Variants in PLEKHM1 observed in about 807,000 individuals in gnomAD.
The protein encoded by PLEKHM1 is pleckstrin homology and RUN domain containing M1, also known as pleckstrin homology domain-containing family M member 1.
A neutral mutation model predicts 94.3 loss-of-function variants in PLEKHM1; 28 were observed. The ratio of observed to expected loss-of-function variants is 0.30; its 90% CI spans 0.22 to 0.41. The LOEUF is 0.41. Among genes scored for constraint, PLEKHM1 ranks in the 10% least tolerant of loss-of-function variants. PLEKHM1 has a pLI of 1.00. For synonymous variants in PLEKHM1, 424 were observed against 581.2 expected, an observed-to-expected ratio of 0.73 and a Z score of 3.89; for missense variants, 907 against 1,358.6, an observed-to-expected ratio of 0.67 and a Z score of 5.22.
intron 2 of PLEKHM1, among the ~76,000 whole-genome samples, chr17:45,478,668 T>C (rs1363781877): frequency 6.6e-6 from 1 of 152,224 alleles, no homozygotes; most frequent in African/African-American, 2.4e-5. Context: ...ATGGTTTACT[T>C]TAAGAAAGAT....
intron 1 of PLEKHM1, among the ~76,000 whole-genome samples, chr17:45,490,387 A>C (rs1350409719): frequency 1.3e-5 from 2 of 152,006 alleles, no homozygotes; most frequent in Non-Finnish European, 1.5e-5. Flanking sequence ...AGCTGCATTT[A>C]AGCAAGACCG....
At position 45,485,893 on chromosome 17, in the gene PLEKHM1, G is replaced by A. The variant is rs150431461; in HGVS notation, c.-41-3368C>T. 2.1e-4 allele frequency among the ~76,000 whole-genome samples: 29 copies of A among 139,472 alleles called. No individual in the cohort carries two copies. In the East Asian group the frequency reaches 3.7e-3, roughly 18 times the overall value. 91.5% of individuals were successfully genotyped at this position (139,472 alleles called of 152,430 possible). A position where few individuals can be genotyped will look rare whatever the true frequency, so the allele number is the denominator to read the frequency against. The stretch of plus-strand genomic sequence containing the variant: ...GAGATCATGCCACTGCACTCCAGCC[G>A]GGGCAGCAAAGCAAGAATAAATAAA... On this transcript the variant is annotated intron_variant, in intron 1 of 11. Coordinates refer to ENST00000430334, the MANE Select transcript of PLEKHM1 (RefSeq NM_014798.3).
At chr17:45,465,890 A>G (rs552912055) in intron 5 of PLEKHM1, among the ~76,000 whole-genome samples, 1 of 152,104 alleles carries the variant, frequency 6.6e-6, no homozygotes, top group Admixed American at 6.6e-5. Context: ...GACCATGGGC[A>G]GGAGTGAACT....
intron 5 of PLEKHM1, among the ~76,000 whole-genome samples, chr17:45,461,581 G>A (rs2051153167): frequency 1.3e-5 from 2 of 152,136 alleles, no homozygotes; most frequent in East Asian, 3.8e-4. Flanking sequence ...TAAGGAAGGG[G>A]TGTTATTATT....
rs1441852163 is a variant in PLEKHM1, at chr17:45,436,124, C to T, written c.*1734G>A. ...GCACTGGCAGCTTCTGGGGAACGGGCCCCCCAGGGCCTCAAACCTGCTGCC... is the reference window on the plus strand; with the variant it reads ...GCACTGGCAGCTTCTGGGGAACGGGTCCCCCAGGGCCTCAAACCTGCTGCC... On this transcript the variant is annotated 3_prime_UTR_variant, in exon 12 of 12. Transcript: ENST00000430334. 2.2e-5 allele frequency: 10 copies of T among 456,160 alleles called. No homozygotes were observed. The highest frequency in any genetic ancestry group is 4.4e-5 in the Non-Finnish European group (10 of 226,964). The allele number at this position is 456,160 out of a possible 1,614,324, so 28.3% of individuals were successfully genotyped here. A position where few individuals can be genotyped will look rare whatever the true frequency, so the allele number is the denominator to read the frequency against.
At chr17:45,474,918 T>C (rs993171706) in intron 4 of PLEKHM1, among the ~76,000 whole-genome samples, 182 bp downstream of exon 4, 1 of 152,124 alleles carries the variant, frequency 6.6e-6, no homozygotes, top group Non-Finnish European at 1.5e-5. Context: ...ACTATGCCTG[T>C]ATTGCCTGCT....
At chr17:45,474,311 C>A (rs1469158857) in intron 4 of PLEKHM1, among the ~76,000 whole-genome samples, 1 of 152,160 alleles carries the variant, frequency 6.6e-6, no homozygotes, top group African/African-American at 2.4e-5. Context: ...CCTGCCTTGG[C>A]CTCCCAAGGT....
chr17:45,475,902 C>T (rs1297269269), intron 3 of PLEKHM1, 176 bp from the exon 4 acceptor site: 25 of 731,670 alleles, frequency 3.4e-5, no homozygotes, highest in Admixed American at 1.3e-4. Flanking sequence ...AATCCCAGCA[C>T]TTTGGGAGGC....
At chr17:45,442,064 G>A (rs973085443) in intron 9 of PLEKHM1, among the ~76,000 whole-genome samples, 1 of 152,166 alleles carries the variant, frequency 6.6e-6, no homozygotes, top group African/African-American at 2.4e-5. Flanking sequence ...TGTCGGGAGG[G>A]ACAATGAGGT....
chr17:45,440,072 T>C (rs1167222370), intron 10 of PLEKHM1, 91 bp downstream of exon 10: 21 of 1,234,540 alleles, frequency 1.7e-5, no homozygotes, highest in Non-Finnish European at 2.3e-5. Flanking sequence ...TTCAGTAAAC[T>C]ACAGACACCC....
rs566243650 is a variant in PLEKHM1, at chr17:45,437,300, A to G, written c.*558T>C. 62 of 454,046 alleles carry G rather than the reference A, an allele frequency of 1.4e-4. 1 individual carries two copies. The highest frequency in any genetic ancestry group is 9.3e-4 in the South Asian group (60 of 64,478). 28.1% of individuals were successfully genotyped at this position (454,046 alleles called of 1,614,324 possible). ...GGAAAGGCACTGGGTGGGCCCATAG[A>G]CCCTGTCCCAGCAGTGGCCTGCCCA... On this transcript the variant is annotated 3_prime_UTR_variant, in exon 12 of 12. Coordinates refer to ENST00000430334, the MANE Select transcript of PLEKHM1 (RefSeq NM_014798.3). The surrounding 1 kb of genome is among the most constrained non-coding windows in gnomAD (Gnocchi z 4.0).
In PLEKHM1 at chr17:45,453,866, C is replaced by A. The variant is rs751028545; in HGVS notation, c.1986G>T (p.Ser662=). 6.2e-7 allele frequency: 1 copy of A among 1,613,942 alleles called. No homozygotes were observed. The highest frequency in any genetic ancestry group is 2.2e-5 in the East Asian group (1 of 44,882). ...QGCLSPSDLL[S]EPAALQGTQF... ...GTGTGCCCTGGAGGGCCGCGGGCTC[C>A]GAGAGCAGGTCTGAGGGAGAGAGGC... Residue 662 remains serine, a synonymous_variant, in exon 7 of 12, where the codon TCG becomes TCT. Transcript: ENST00000430334. The surrounding 1 kb of genome is among the most constrained non-coding windows in gnomAD (Gnocchi z 4.1).
At chr17:45,485,882 G>A (rs540325780) in intron 1 of PLEKHM1, among the ~76,000 whole-genome samples, 1 of 151,750 alleles carries the variant, frequency 6.6e-6, no homozygotes, top group African/African-American at 2.4e-5. Context: ...TCATGCCACT[G>A]CACTCCAGCC....
Position 45,436,330 on chromosome 17 carries a change from C to T in PLEKHM1, c.*1528G>A, listed in dbSNP as rs761925867. On this transcript the variant is annotated 3_prime_UTR_variant, in exon 12 of 12. Coordinates refer to ENST00000430334, the MANE Select transcript of PLEKHM1 (RefSeq NM_014798.3). ...CTTAGGAGGCATTGGCGTCTGGGCACAGGTGTGTGCCATGACCGGGAGAAG... is the reference window on the plus strand; with the variant it reads ...CTTAGGAGGCATTGGCGTCTGGGCATAGGTGTGTGCCATGACCGGGAGAAG... 1 of 454,064 alleles carries T rather than the reference C, an allele frequency of 2.2e-6. No individual in the cohort carries two copies. The highest frequency in any genetic ancestry group is 6.9e-5 in the East Asian group (1 of 14,408). 28.1% of individuals were successfully genotyped at this position (454,064 alleles called of 1,614,324 possible). A position where few individuals can be genotyped will look rare whatever the true frequency, so the allele number is the denominator to read the frequency against.
At chr17:45,483,449 G>A (rs192299491) in intron 1 of PLEKHM1, among the ~76,000 whole-genome samples, 10,073 of 135,368 alleles carry the variant, frequency 0.074, 492 homozygotes, top group East Asian at 0.16. Context: ...GGGGTGGGGC[G>A]GGTGGGGTGG....
rs533087643 is a variant in PLEKHM1, at chr17:45,440,215, C to A, written c.2849G>T (p.Arg950Met). Residue 950 changes from arginine (R) to methionine (M), a missense_variant, in exon 10 of 12, where the codon AGG becomes ATG. Arg to Met is a moderately conservative substitution (Grantham distance 91). Transcript: ENST00000430334. ...LKELSKRLNH[R>M]NYLLESPHRF... ...ATGCGGAGATTCCAAGAGATAATTC[C>A]TGTGGTTGAGCCTTCAAACAAAACA... 1 of 1,614,104 alleles carries A rather than the reference C, an allele frequency of 6.2e-7. No individual in the cohort carries two copies. Among genetic ancestry groups the A allele is most frequent in the South Asian group, 1.1e-5 (1 of 91,088 alleles).
Position 45,453,114 on chromosome 17 carries a change from A to T in PLEKHM1, c.2497+241T>A. 1.6e-6 allele frequency: 1 copy of T among 610,268 alleles called. No individual in the cohort carries two copies. The highest frequency in any genetic ancestry group is 2.9e-6 in the Non-Finnish European group (1 of 343,348). 37.8% of individuals were successfully genotyped at this position (610,268 alleles called of 1,614,324 possible). A position where few individuals can be genotyped will look rare whatever the true frequency, so the allele number is the denominator to read the frequency against. ...GTGAGTAGCCAGCCTGCCGCCCATCAGTGGGAGGTGGCAGGAGAGGGACGG... is the reference window on the plus strand; with the variant it reads ...GTGAGTAGCCAGCCTGCCGCCCATCTGTGGGAGGTGGCAGGAGAGGGACGG... On this transcript the variant is annotated intron_variant, in intron 7 of 11. Transcript: ENST00000430334. The surrounding 1 kb of genome is among the most constrained non-coding windows in gnomAD (Gnocchi z 4.1).
intron 4 of PLEKHM1, among the ~76,000 whole-genome samples, chr17:45,474,044 T>C (rs539004293): frequency 6.6e-6 from 1 of 150,746 alleles, no homozygotes; most frequent in African/African-American, 2.4e-5. Flanking sequence ...GCAAATTTTT[T>C]ATTTTATTTA....
At chr17:45,450,168 TCCATCCACCTAA>T (rs1186353317) in intron 8 of PLEKHM1, among the ~76,000 whole-genome samples, 3 of 122,800 alleles carry the variant, frequency 2.4e-5, no homozygotes, top group Admixed American at 8.1e-5. Context: ...TACCTACCTA[TCCATCCACCTAA>T]CCATCCACCT....
Sources: gnomAD v4.1 joint callset for allele counts (sites outside exome capture counted in the v4.1 genomes callset) on GRCh38, gnomAD v4.1.1 for gene constraint, Gnocchi (gnomAD v3.1) non-coding constraint, MANE v1.5 for transcripts, NCBI Gene and HGNC (gene_info 2026-07-23, HGNC 2026-07-21) for gene names.